PWWP2B: variants seen among roughly 807,000 people sequenced by gnomAD.
The protein encoded by PWWP2B is PWWP domain containing 2B, also known as PWWP domain-containing protein 2B.
PWWP2B carries 9 observed loss-of-function variants against 15.5 expected under a neutral mutation model. That is an observed-to-expected ratio of 0.58 (90% CI 0.35 to 1.02). The LOEUF is 1.02. Among genes scored for constraint, PWWP2B ranks in the 50% least tolerant of loss-of-function variants. The probability of loss-of-function intolerance (pLI) is 0.02; values close to 1 mark genes in which losing one functional copy is unlikely to be tolerated. For missense variants in PWWP2B, 864 were observed against 865.3 expected (o/e 1.00, Z 0.02); for synonymous variants, 474 against 403.6 (o/e 1.17, Z -2.09).
In PWWP2B at chr10:132,409,188, A is replaced by G. The variant is rs565605013; in HGVS notation, c.*16+2899A>G. The stretch of plus-strand genomic sequence containing the variant: ...CACCCCGGTGGTCACGGCCGGCTCC[A>G]GGGCCTGTGAATGGCCTGTGGCCGC... On this transcript the variant is annotated intron_variant, in intron 2 of 2. Transcript: ENST00000305233. 2.0e-4 allele frequency among the ~76,000 whole-genome samples: 31 copies of G among 152,252 alleles called. No individual in the cohort carries two copies. In the South Asian group the frequency reaches 5.8e-3, roughly 28 times the overall value.
intron 1 of PWWP2B, among the ~76,000 whole-genome samples, chr10:132,401,208 C>T (rs2069610852): frequency 6.6e-6 from 1 of 152,234 alleles, no homozygotes; most frequent in Non-Finnish European, 1.5e-5. Context: ...TTGGGAGTGG[C>T]ACTGGCGTAC....
Position 132,404,953 on chromosome 10 carries a change from G to A in PWWP2B, c.453G>A (p.Thr151=), listed in dbSNP as rs373844418. 6.9e-4 allele frequency: 1,103 copies of A among 1,592,330 alleles called. 2 individuals are homozygous for A. In the African/African-American group the frequency reaches 8.3e-3, roughly 12 times the overall value. Residue 151 remains threonine, a synonymous_variant, in exon 2 of 3, where the codon ACG becomes ACA. Coordinates refer to ENST00000305233, the MANE Select transcript of PWWP2B (RefSeq NM_138499.4). ...PQPPPRTIKR[T]RRRLSRNRDP... ...CGCCGCCCAGGACCATCAAGCGCAC[G>A]CGGCGGCGTCTGTCCCGCAACCGCG...
intron 1 of PWWP2B, among the ~76,000 whole-genome samples, chr10:132,399,299 G>C (rs933864134): frequency 6.6e-6 from 1 of 152,232 alleles, no homozygotes; most frequent in Admixed American, 6.5e-5. Context: ...ACAGGTGTCC[G>C]CCCACCTCAG....
intron 1 of PWWP2B, among the ~76,000 whole-genome samples, chr10:132,402,158 G>A (rs547588071): frequency 6.6e-6 from 1 of 152,340 alleles, no homozygotes; most frequent in East Asian, 1.9e-4. Context: ...CCTGGGAAGG[G>A]ACTAACCCCT....
At position 132,398,811 on chromosome 10, in the gene PWWP2B, G is replaced by A. The variant is rs559084787; in HGVS notation, c.125+1460G>A. Among the ~76,000 whole-genome samples the A allele has an allele frequency of 7.0e-4, 106 of 152,324 alleles. 1 individual carries two copies. The highest frequency in any genetic ancestry group is 2.5e-3 in the African/African-American group (102 of 41,562). On this transcript the variant is annotated intron_variant, in intron 1 of 2. Transcript: ENST00000305233. ...TTCAGCTGTAACCAGAGCCGCCCAC[G>A]GAGCCGGGCGCTGGGCCTCTGCGGG...
chr10:132,405,459 G>A lies in PWWP2B; in HGVS notation c.959G>A (p.Arg320Gln), dbSNP rs1020583438. The A allele has an allele frequency of 1.9e-6, 3 of 1,606,946 alleles. No individual in the cohort carries two copies. In the African/African-American group the frequency reaches 4.0e-5, roughly 21 times the overall value. Residue 320 changes from arginine to glutamine, a missense_variant, in exon 2 of 3, where the codon CGG (arginine) becomes CAG (glutamine). Around this residue, in one of 2 missense-constraint regions of PWWP2B, gnomAD observed 736 missense variants for 687.7 expected, o/e 1.07. Transcript: ENST00000305233. Reference sequence around the variant, plus strand: ...TCCATCCCCAAGTTGAAACTGACACGGCCTGTGCCGGCCGGCGCGGACCTG... The same window carrying A: ...TCCATCCCCAAGTTGAAACTGACACAGCCTGTGCCGGCCGGCGCGGACCTG... ...SASIPKLKLTRPVPAGADLPP... is the reference protein window; with the variant it reads ...SASIPKLKLTQPVPAGADLPP...
chr10:132,400,533 C>G (rs1355943983), intron 1 of PWWP2B, among the ~76,000 whole-genome samples: 3 of 152,142 alleles, frequency 2.0e-5, no homozygotes, highest in Admixed American at 6.5e-5. Flanking sequence ...GAGGCGCTCC[C>G]CTGGTGTCTA....
intron 2 of PWWP2B, among the ~76,000 whole-genome samples, chr10:132,410,386 T>TGCTTGAGG (rs1377139317): frequency 6.6e-6 from 1 of 152,158 alleles, no homozygotes; most frequent in Non-Finnish European, 1.5e-5. Context: ...ACAGACTGGC[T>TGCTTGAGG]GCTTGAGGCA....
chr10:132,406,425 A>G, intron 2 of PWWP2B, 136 bp downstream of exon 2: 1 of 713,708 alleles, frequency 1.4e-6, no homozygotes, highest in Admixed American at 3.0e-5. Context: ...TTGGGGCCCC[A>G]GCCGTCTGGA....
In PWWP2B at chr10:132,405,388, G is replaced by T; in HGVS notation, c.888G>T (p.Val296=). ...ACGACGGCAGCCAGGACCCCGAGGT[G>T]CTGGACAGAGAGTCCCGGGACCGGC... The part of the protein sequence containing the change: ...PQDDGSQDPE[V]LDRESRDRPS... Residue 296 remains valine (V), a synonymous_variant, in exon 2 of 3, where the codon GTG becomes GTT. Transcript: ENST00000305233. 6.2e-7 allele frequency: 1 copy of T among 1,611,322 alleles called. No individual in the cohort carries two copies. The highest frequency in any genetic ancestry group is 8.5e-7 in the Non-Finnish European group (1 of 1,179,276).
chr10:132,414,524 C>T (rs574260728), intron 2 of PWWP2B, among the ~76,000 whole-genome samples: 21 of 152,198 alleles, frequency 1.4e-4, no homozygotes, highest in African/African-American at 2.4e-4. Flanking sequence ...CCATCTTGCA[C>T]GCAGTCCCTG....
intron 2 of PWWP2B, 149 bp from the exon 3 acceptor site, chr10:132,416,912 G>A (rs2069865623): frequency 1.3e-6 from 1 of 783,838 alleles, no homozygotes; most frequent in East Asian, 2.5e-5. Context: ...CTGAGGGAAG[G>A]AGGGCCGGCA....
intron 2 of PWWP2B, among the ~76,000 whole-genome samples, chr10:132,408,012 G>A (rs140916946): frequency 4.2e-4 from 64 of 152,342 alleles, no homozygotes; most frequent in Non-Finnish European, 7.1e-4. Flanking sequence ...GAGGGAGGAC[G>A]GGAGGACACA....
intron 2 of PWWP2B, among the ~76,000 whole-genome samples, chr10:132,414,206 G>A (rs1383458487): frequency 2.0e-5 from 3 of 152,246 alleles, no homozygotes; most frequent in South Asian, 4.1e-4. Flanking sequence ...GGCCCGTCCA[G>A]GCTGTCTCCT....
chr10:132,417,656 G>A lies in PWWP2B; in HGVS notation c.*612G>A, dbSNP rs949242993. On this transcript the variant is annotated 3_prime_UTR_variant, in exon 3 of 3. Transcript: ENST00000305233. ...ACTCCAAGTTCATCCCAGAGCGTGG[G>A]GCCCGCTGGGCACCTGGCACCTGGC... is the stretch of plus-strand genomic sequence containing the variant. 6.5e-6 allele frequency: 1 copy of A among 154,362 alleles called. No individual in the cohort carries two copies. Among genetic ancestry groups the A allele is most frequent in the Non-Finnish European group, 1.4e-5 (1 of 69,316 alleles). The allele number at this position is 154,362 out of a possible 1,614,324, so 9.6% of individuals were successfully genotyped here.
intron 2 of PWWP2B, 73 bp downstream of exon 2, chr10:132,406,362 C>T: frequency 2.3e-6 from 3 of 1,302,598 alleles, no homozygotes; most frequent in South Asian, 1.5e-5. Flanking sequence ...CATGCCTCTG[C>T]TCCGGGCCCT....
At chr10:132,401,057 G>A (rs775103318) in intron 1 of PWWP2B, among the ~76,000 whole-genome samples, 10 of 152,358 alleles carry the variant, frequency 6.6e-5, no homozygotes, top group Non-Finnish European at 1.3e-4. Flanking sequence ...GGGCCTTTCT[G>A]GGAGTTTGGC....
chr10:132,413,308 T>C (rs554040315), intron 2 of PWWP2B, among the ~76,000 whole-genome samples: 1 of 152,318 alleles, frequency 6.6e-6, no homozygotes, highest in East Asian at 1.9e-4. Context: ...CTGAAAATAA[T>C]ATATGTAATA....
chr10:132,398,617 T>G (rs1168588196), intron 1 of PWWP2B, among the ~76,000 whole-genome samples: 2 of 152,204 alleles, frequency 1.3e-5, no homozygotes, highest in East Asian at 1.9e-4. Context: ...CAAGGGAGGC[T>G]GAGAATATCT....
Sources: gnomAD v4.1 joint callset for allele counts (sites outside exome capture counted in the v4.1 genomes callset) on GRCh38, gnomAD v4.1.1 for gene constraint, gnomAD v4.1.1 regional missense constraint, MANE v1.5 for transcripts, NCBI Gene and HGNC (gene_info 2026-07-23, HGNC 2026-07-21) for gene names.